Variants in RRP12 observed in about 807,000 individuals in gnomAD.
The protein encoded by RRP12 is ribosomal RNA processing 12 homolog.
RRP12 carries 78 observed loss-of-function variants against 157.3 expected under a neutral mutation model. The observed-to-expected ratio is 0.50, with a 90% CI of 0.41 to 0.60. The LOEUF (loss-of-function observed/expected upper bound fraction) is 0.60, where lower values mean the gene tolerates loss of function less well. Ranked by LOEUF, RRP12 falls within the 20% of genes least tolerant of loss-of-function variation. The pLI is 0.00. For synonymous variants in RRP12, 726 were observed against 670.9 expected, an observed-to-expected ratio of 1.08 and a Z score of -1.27; for missense variants, 1,521 against 1,679.9, an observed-to-expected ratio of 0.91 and a Z score of 1.65.
chr10:97,366,768 C>T lies in RRP12; in HGVS notation c.3189G>A (p.Glu1063=), dbSNP rs1183838465. 7 of 1,612,126 alleles carry T rather than the reference C, an allele frequency of 4.3e-6. No homozygotes were observed. The highest frequency in any genetic ancestry group is 5.9e-6 in the Non-Finnish European group (7 of 1,179,054). The change falls in exon 27 of 34, where the codon GAG becomes GAA. Residue 1063 remains glutamate, a synonymous_variant. Transcript: ENST00000370992. ...VEEEEEEEEE[E]EPAQGKGDSI... ...TGTCACCTTTGCCCTGGGCGGGCTC[C>T]TCCTCCTCCTCCTCCTCTTCTTCCT...
intron 10 of RRP12, among the ~76,000 whole-genome samples, chr10:97,384,867 G>A (rs959597817): frequency 1.4e-4 from 19 of 139,460 alleles, no homozygotes; most frequent in Middle Eastern, 4.9e-3. Flanking sequence ...AACCTCAGCC[G>A]GGACGGAGGC....
At chr10:97,392,216 C>A (rs531504710) in intron 4 of RRP12, among the ~76,000 whole-genome samples, 1 of 152,300 alleles carries the variant, frequency 6.6e-6, no homozygotes, top group African/African-American at 2.4e-5. Flanking sequence ...AACAGTCCAC[C>A]TGCCTCAGCC....
chr10:97,388,657 G>A (rs912842714), intron 6 of RRP12, 33 bp from the exon 7 acceptor site: 1 of 1,606,754 alleles, frequency 6.2e-7, no homozygotes, highest in Non-Finnish European at 8.5e-7. Flanking sequence ...GACAAGGCCA[G>A]ATCAGCGTTC....
At chr10:97,394,459 AGCTCACT>A (rs1214083302) in intron 3 of RRP12, among the ~76,000 whole-genome samples, 1 of 152,188 alleles carries the variant, frequency 6.6e-6, no homozygotes. Flanking sequence ...GTATAATCAT[AGCTCACT>A]GTAACCTTGA....
At position 97,398,119 on chromosome 10, in the gene RRP12, A is replaced by G. The variant is rs1306385892; in HGVS notation, c.370-1818T>C. On this transcript the variant is annotated intron_variant, in intron 2 of 33. Coordinates refer to ENST00000370992, the MANE Select transcript of RRP12 (RefSeq NM_015179.4). ...CCGGACTGCGGACTGCAGTGGCGCA[A>G]TCTCGGCTCACTGCAAGCTCCGCTT... 3.7e-5 allele frequency among the ~76,000 whole-genome samples: 3 copies of G among 81,280 alleles called. 1 individual carries two copies. The highest frequency in any genetic ancestry group is 2.0e-4 in the African/African-American group (3 of 15,384). 53.3% of individuals were successfully genotyped at this position (81,280 alleles called of 152,430 possible).
At chr10:97,389,357 T>TGCTGGGATTACAGCCGTGAGCC (rs1345041451) in intron 6 of RRP12, among the ~76,000 whole-genome samples, 2 of 152,112 alleles carry the variant, frequency 1.3e-5, no homozygotes, top group Non-Finnish European at 2.9e-5. Context: ...CCTCCCAAAG[T>TGCTGGGATTACAGCCGTGAGCC]GCTGGGATTA....
chr10:97,385,870 C>T, intron 9 of RRP12, 25 bp downstream of exon 9: 2 of 1,539,488 alleles, frequency 1.3e-6, no homozygotes, highest in Non-Finnish European at 1.8e-6. Context: ...ACCTAATGCC[C>T]CCACATCCCA....
intron 32 of RRP12, 145 bp downstream of exon 32, chr10:97,358,798 A>G: frequency 1.2e-6 from 1 of 800,388 alleles, no homozygotes; most frequent in Non-Finnish European, 2.1e-6. Context: ...ACAAGGTCTT[A>G]GCATCTGAAC....
chr10:97,390,084 G>A (rs1461631332), intron 6 of RRP12, among the ~76,000 whole-genome samples: 2 of 152,086 alleles, frequency 1.3e-5, no homozygotes, highest in Non-Finnish European at 2.9e-5. Flanking sequence ...GTCACACCTC[G>A]AGCAGTGAAT....
chr10:97,371,471 C>T, intron 20 of RRP12: 1 of 237,758 alleles, frequency 4.2e-6, no homozygotes, highest in Middle Eastern at 1.6e-3. Context: ...CCCCCAACCC[C>T]CAACGCCGGA....
intron 3 of RRP12, among the ~76,000 whole-genome samples, chr10:97,394,235 C>T (rs1363877700): frequency 6.6e-6 from 1 of 151,874 alleles, no homozygotes; most frequent in South Asian, 2.1e-4. Context: ...CCCAGCTACT[C>T]GGGAGGCTGA....
At chr10:97,401,037 AC>A in intron 1 of RRP12, 55 bp downstream of exon 1, 1 of 1,593,176 alleles carries the variant, frequency 6.3e-7, no homozygotes. Flanking sequence ...ACTCATCTGG[AC>A]CCAGGTCTGC....
In RRP12 at chr10:97,398,039, ATTT is replaced by A. The variant is rs1184698036; in HGVS notation, c.370-1741_370-1739del. On this transcript the variant is annotated intron_variant, in intron 2 of 33. Transcript: ENST00000370992. ...TATATATATGTATATATATATACGT[ATTT>A]TTTTTTTTTTTTTTTTTTTTTTTGA... 6.2e-4 allele frequency among the ~76,000 whole-genome samples: 35 copies of A among 56,030 alleles called. 4 individuals are homozygous for A. The highest frequency in any genetic ancestry group is 5.1e-3 in the East Asian group (10 of 1,966). The allele number at this position is 56,030 out of a possible 152,430, so 36.8% of individuals were successfully genotyped here. A position where few individuals can be genotyped will look rare whatever the true frequency, so the allele number is the denominator to read the frequency against.
At chr10:97,383,463 T>A (rs536456215) in intron 10 of RRP12, among the ~76,000 whole-genome samples, 2 of 152,260 alleles carry the variant, frequency 1.3e-5, no homozygotes, top group Non-Finnish European at 2.9e-5. Context: ...AGATGAACAG[T>A]GTTTGGCACA....
At chr10:97,357,246 C>A in intron 33 of RRP12, 50 bp from the exon 34 acceptor site, 1 of 1,232,762 alleles carries the variant, frequency 8.1e-7, no homozygotes, top group Non-Finnish European at 1.2e-6. Flanking sequence ...AATAGGAGGC[C>A]CCCTCCTGTT....
Position 97,378,064 on chromosome 10 carries a change from G to A in RRP12, c.1798+1229C>T, listed in dbSNP as rs529534065. Among the ~76,000 whole-genome samples the A allele has an allele frequency of 9.1e-4, 138 of 152,152 alleles. 2 individuals carry two copies. In the South Asian group the frequency reaches 0.018, roughly 20 times the overall value. Reference sequence around the variant, plus strand: ...TAAGGCCTGAGTCTGCCTAACACAGGTCAGGAGTAAACTAGAAGATAAATA... The same window carrying A: ...TAAGGCCTGAGTCTGCCTAACACAGATCAGGAGTAAACTAGAAGATAAATA... On this transcript the variant is annotated intron_variant, in intron 15 of 33. Transcript: ENST00000370992.
chr10:97,401,099 G>A lies in RRP12; in HGVS notation c.133C>T (p.Pro45Ser). ...CGGGTCTCAACCCAGCTACCTGACG[G>A]CCGGCTGAAGAAGCGGCTGCGGGCG... The part of the protein sequence containing the change: ...QAARSRFFSR[P>S]SGRSDLTVDA... The change falls in exon 1 of 34, where the codon CCG becomes TCG. Residue 45 changes from proline (P) to serine (S), a missense_variant. Coordinates refer to ENST00000370992, the MANE Select transcript of RRP12 (RefSeq NM_015179.4). 2 of 1,613,346 alleles carry A rather than the reference G, an allele frequency of 1.2e-6. No homozygotes were observed. The highest frequency in any genetic ancestry group is 1.3e-5 in the African/African-American group (1 of 75,048).
rs373043326 is a variant in RRP12 at position 97,358,892 on chromosome 10, C to T, written c.3708+51G>A. The T allele has an allele frequency of 8.1e-6, 12 of 1,483,734 alleles. No individual in the cohort carries two copies. The African/African-American group carries it at 1.7e-4, about 21-fold the overall frequency. 91.9% of individuals were successfully genotyped at this position (1,483,734 alleles called of 1,614,324 possible). A position where few individuals can be genotyped will look rare whatever the true frequency, so the allele number is the denominator to read the frequency against. ...GGGCACAGCTCCTCCTTGCCCCTCC[C>T]TGGCACCTGTCCAGTGCCAGGAGAC... On this transcript the variant is annotated intron_variant, in intron 32 of 33. Coordinates refer to ENST00000370992, the MANE Select transcript of RRP12 (RefSeq NM_015179.4).
At position 97,370,752 on chromosome 10, in the gene RRP12, A is replaced by G; in HGVS notation, c.2547T>C (p.Ala849=). 1 of 1,614,128 alleles carries G rather than the reference A, an allele frequency of 6.2e-7. No homozygotes were observed. The highest frequency in any genetic ancestry group is 8.5e-7 in the Non-Finnish European group (1 of 1,180,008). ...GGGCAGTGATGAACTCCTTGTGTTC[A>G]GCTGAGAGCTTCCTCACGATGTGTA... The part of the protein sequence containing the change: ...CLLHIVRKLS[A]EHKEFITALI... The change falls in exon 22 of 34, where the codon GCT becomes GCC. Residue 849 remains alanine, a synonymous_variant. Transcript: ENST00000370992.
Sources: gnomAD v4.1 joint callset for allele counts (sites outside exome capture counted in the v4.1 genomes callset) on GRCh38, gnomAD v4.1.1 for gene constraint, MANE v1.5 for transcripts, NCBI Gene and HGNC (gene_info 2026-07-23, HGNC 2026-07-21) for gene names.